Variants in NKAIN3 observed in about 807,000 individuals in gnomAD.
NKAIN3 encodes the protein sodium/potassium-transporting ATPase subunit beta-1-interacting protein 3.
In NKAIN3, 25 loss-of-function variants were observed where a neutral mutation model predicts 30.2. The observed-to-expected ratio is 0.83, with a 90% confidence interval of 0.60 to 1.16. NKAIN3 has a LOEUF of 1.16. Ranked by LOEUF, NKAIN3 falls within the 50% of genes most tolerant of loss-of-function variation. NKAIN3 has a pLI of 0.00. For missense variants in NKAIN3, 225 were observed against 254.1 expected (o/e 0.89, Z 0.78); for synonymous variants, 91 against 89.6 (o/e 1.02, Z -0.09).
In NKAIN3 at chr8:62,500,069, G is replaced by A. The variant is rs533610841; in HGVS notation, c.55-79470G>A. On this transcript the variant is annotated intron_variant, in intron 1 of 6. Coordinates refer to ENST00000623646, the MANE Select transcript of NKAIN3 (RefSeq NM_001304533.3). ...TGAAATGGGTCTGAGCATGAGTACC[G>A]CTTGTCACTGGGCAAGATTGCAGGG... is the stretch of plus-strand genomic sequence containing the variant. Among the ~76,000 whole-genome samples, 6 of 152,184 alleles carry A rather than the reference G, an allele frequency of 3.9e-5. No individual in the cohort carries two copies. In the South Asian group the frequency reaches 8.3e-4, roughly 21 times the overall value.
chr8:62,533,217 T>C lies in NKAIN3; in HGVS notation c.55-46322T>C, dbSNP rs182184374. 5.3e-5 allele frequency among the ~76,000 whole-genome samples: 8 copies of C among 152,322 alleles called. No individual in the cohort carries two copies. The East Asian group carries it at 1.4e-3, about 26-fold the overall frequency. Reference sequence around the variant, plus strand: ...ATTAGGAAAGGCCTCATTGAAAATGTGCCTTTGAGTAAGCACCCTGTTAAA... The same window carrying C: ...ATTAGGAAAGGCCTCATTGAAAATGCGCCTTTGAGTAAGCACCCTGTTAAA... On this transcript the variant is annotated intron_variant, in intron 1 of 6. Coordinates refer to ENST00000623646, the MANE Select transcript of NKAIN3 (RefSeq NM_001304533.3).
At chr8:62,916,578 CAAGCAGAATTT>C (rs1031141305) in intron 4 of NKAIN3, among the ~76,000 whole-genome samples, 4 of 152,116 alleles carry the variant, frequency 2.6e-5, no homozygotes, top group African/African-American at 9.7e-5. Flanking sequence ...GATCATATTT[CAAGCAGAATTT>C]ATAGCTCTTT....
intron 4 of NKAIN3, among the ~76,000 whole-genome samples, chr8:62,810,962 T>C (rs564150712): frequency 1.3e-5 from 2 of 152,256 alleles, no homozygotes; most frequent in South Asian, 4.1e-4. Flanking sequence ...AACCAGGATA[T>C]TGACGTTATT....
At chr8:62,263,438 A>T (rs1309576595) in intron 1 of NKAIN3, among the ~76,000 whole-genome samples, 2 of 152,200 alleles carry the variant, frequency 1.3e-5, no homozygotes, top group Non-Finnish European at 2.9e-5. Flanking sequence ...AAGGAAAAAC[A>T]GTGGAGAACT....
intron 1 of NKAIN3, among the ~76,000 whole-genome samples, chr8:62,480,837 T>C (rs1052548646): frequency 2.0e-5 from 3 of 152,114 alleles, no homozygotes. Context: ...ATGCATTTTC[T>C]CAGTGTCTTA....
At chr8:62,837,830 T>C (rs1388400566) in intron 4 of NKAIN3, among the ~76,000 whole-genome samples, 3 of 152,048 alleles carry the variant, frequency 2.0e-5, no homozygotes, top group Non-Finnish European at 4.4e-5. Flanking sequence ...TAATTAAACA[T>C]GAGTTAACAT....
chr8:62,857,077 C>A, intron 4 of NKAIN3: 2 of 462,506 alleles, frequency 4.3e-6, no homozygotes, highest in Non-Finnish European at 8.5e-6. Context: ...CGACTCCCAC[C>A]TTTACATGTT....
rs79429520 is a variant in NKAIN3 at position 62,917,544 on chromosome 8, T to C, written c.472-909T>C. Among the ~76,000 whole-genome samples the C allele has an allele frequency of 5.0e-3, 756 of 152,302 alleles. 4 individuals carry two copies. The highest frequency in any genetic ancestry group is 0.015 in the African/African-American group (604 of 41,554). On this transcript the variant is annotated intron_variant, in intron 4 of 6. Transcript: ENST00000623646. ...CATGGGCAGTCAAAAGCCCCAGATA[T>C]CTTGTTCTCTGCATTGGAAACTTTA...
intron 3 of NKAIN3, among the ~76,000 whole-genome samples, chr8:62,739,427 G>A (rs1815789294): frequency 6.6e-6 from 1 of 152,006 alleles, no homozygotes; most frequent in Non-Finnish European, 1.5e-5. Context: ...GTTTGTTCTT[G>A]TGTTTATTTT....
At chr8:62,773,073 C>T (rs1817075601) in intron 4 of NKAIN3, among the ~76,000 whole-genome samples, 1 of 152,054 alleles carries the variant, frequency 6.6e-6, no homozygotes, top group African/African-American at 2.4e-5. Flanking sequence ...AATATTTTCT[C>T]CCTTTCTGAG....
intron 4 of NKAIN3, among the ~76,000 whole-genome samples, chr8:62,880,996 T>C (rs1034204032): frequency 2.3e-4 from 35 of 152,352 alleles, no homozygotes; most frequent in African/African-American, 8.4e-4. Context: ...CTCTGTACTT[T>C]CTGCTCAATT....
chr8:62,728,425 G>A (rs961350403), intron 3 of NKAIN3, among the ~76,000 whole-genome samples: 1 of 152,190 alleles, frequency 6.6e-6, no homozygotes, highest in Admixed American at 6.5e-5. Context: ...CACTTTGAGA[G>A]GCCGAGGTGG....
intron 1 of NKAIN3, among the ~76,000 whole-genome samples, chr8:62,502,727 TC>T (rs1807499329): frequency 6.6e-6 from 1 of 152,170 alleles, no homozygotes; most frequent in African/African-American, 2.4e-5. Flanking sequence ...CCAGTTATTT[TC>T]CTAGGCTCCA....
At chr8:62,260,101 C>T (rs1336505993) in intron 1 of NKAIN3, among the ~76,000 whole-genome samples, 2 of 151,896 alleles carry the variant, frequency 1.3e-5, no homozygotes, top group Non-Finnish European at 2.9e-5. Context: ...ATCAGTTTCT[C>T]GTAAGAGATA....
intron 4 of NKAIN3, among the ~76,000 whole-genome samples, chr8:62,826,535 G>T (rs774351935): frequency 6.6e-6 from 1 of 152,088 alleles, no homozygotes; most frequent in East Asian, 1.9e-4. Context: ...GATTTCCCAC[G>T]TAAAATATTT....
intron 1 of NKAIN3, among the ~76,000 whole-genome samples, chr8:62,565,973 A>G (rs2129997301): frequency 6.6e-6 from 1 of 152,272 alleles, no homozygotes; most frequent in South Asian, 2.1e-4. Flanking sequence ...CTCAAAGTAC[A>G]CTTTCTATGA....
chr8:62,841,737 T>A (rs1819535842), intron 4 of NKAIN3, among the ~76,000 whole-genome samples: 2 of 152,184 alleles, frequency 1.3e-5, no homozygotes, highest in Non-Finnish European at 2.9e-5. Context: ...GTTGATTCCA[T>A]ATCTTGACTA....
chr8:62,367,499 A>G (rs1005574890), intron 1 of NKAIN3, among the ~76,000 whole-genome samples: 1 of 152,216 alleles, frequency 6.6e-6, no homozygotes, highest in Non-Finnish European at 1.5e-5. Context: ...ATGCAGAAAA[A>G]TGTTATAACA....
chr8:62,864,283 G>A, intron 4 of NKAIN3: 1 of 1,227,560 alleles, frequency 8.1e-7, no homozygotes, highest in Non-Finnish European at 1.2e-6. Context: ...CAATGCTGAA[G>A]CTGAGGACCA....
Sources: allele counts gnomAD v4.1 joint callset (sites outside exome capture counted in the v4.1 genomes callset), GRCh38; gene constraint gnomAD v4.1.1; transcripts MANE v1.5; gene names NCBI Gene and HGNC (gene_info 2026-07-23, HGNC 2026-07-21).